THAP8: variants seen among roughly 807,000 people sequenced by gnomAD.
THAP8 encodes THAP domain-containing protein 8.
THAP8 carries 24 observed loss-of-function variants against 25.0 expected under a neutral mutation model. The ratio of observed to expected loss-of-function variants is 0.96; its 90% confidence interval spans 0.69 to 1.35. The LOEUF (loss-of-function observed/expected upper bound fraction) is 1.35, where lower values mean the gene tolerates loss of function less well. Among genes scored for constraint, THAP8 ranks in the 40% most tolerant of loss-of-function variants. The probability of loss-of-function intolerance (pLI) is 0.00; values close to 1 mark genes in which losing one functional copy is unlikely to be tolerated. For synonymous variants in THAP8, 169 were observed against 157.6 expected (o/e 1.07, Z -0.54); for missense variants, 399 against 368.8 (o/e 1.08, Z -0.67).
At chr19:36,040,796 T>C (rs1168142238) in intron 1 of THAP8, among the ~76,000 whole-genome samples, 1 of 152,078 alleles carries the variant, frequency 6.6e-6, no homozygotes, top group Admixed American at 6.6e-5. Flanking sequence ...TTGGAGCAGT[T>C]TATAAAATCA....
At chr19:36,054,048 A>G in intron 1 of THAP8, 87 bp downstream of exon 1, 3 of 1,457,762 alleles carry the variant, frequency 2.1e-6, no homozygotes, top group Non-Finnish European at 2.8e-6. Flanking sequence ...AAGCAAGACC[A>G]GAAGCCCCGC....
chr19:36,052,065 A>G (rs1403397351), intron 1 of THAP8, among the ~76,000 whole-genome samples: 2 of 142,512 alleles, frequency 1.4e-5, no homozygotes, highest in Non-Finnish European at 3.0e-5. Context: ...TTTTTTTTTT[A>G]GATGAAGTCT....
chr19:36,048,854 A>AC (rs1198595206), intron 1 of THAP8, among the ~76,000 whole-genome samples: 4 of 134,552 alleles, frequency 3.0e-5, no homozygotes, highest in Non-Finnish European at 6.4e-5. Context: ...AAAAAAAAAA[A>AC]AACAAAAAAA....
intron 3 of THAP8, among the ~76,000 whole-genome samples, 159 bp from the exon 4 acceptor site, chr19:36,035,751 T>C (rs1021937464): frequency 2.0e-5 from 3 of 150,102 alleles, no homozygotes; most frequent in Non-Finnish European, 4.4e-5. Context: ...GGAAAGCAGA[T>C]GTGAGGGCCA....
intron 1 of THAP8, among the ~76,000 whole-genome samples, chr19:36,043,180 G>A (rs1436819836): frequency 5.3e-5 from 8 of 152,136 alleles, no homozygotes; most frequent in South Asian, 2.1e-4. Context: ...CACCCACCTC[G>A]GCCTCCCAAA....
chr19:36,053,458 G>C (rs890042416), intron 1 of THAP8, among the ~76,000 whole-genome samples: 43 of 150,758 alleles, frequency 2.9e-4, no homozygotes, highest in Non-Finnish European at 4.3e-4. Flanking sequence ...GGTAGGGTGA[G>C]GTGGGAGGAT....
rs1440080531 is a variant in THAP8, at chr19:36,035,183, C to G, written c.*257G>C. On this transcript the variant is annotated 3_prime_UTR_variant, in exon 4 of 4. Transcript: ENST00000292894. ...AACCCTTGCTCTGCTCTGAGGCTGTCGTACTGATTTGCAAAGATCTGAGCC... is the reference window on the plus strand; with the variant it reads ...AACCCTTGCTCTGCTCTGAGGCTGTGGTACTGATTTGCAAAGATCTGAGCC... The G allele has an allele frequency of 4.7e-6, 2 of 428,160 alleles. No individual in the cohort carries two copies. The highest frequency in any genetic ancestry group is 8.4e-6 in the Non-Finnish European group (2 of 238,534). The allele number at this position is 428,160 out of a possible 1,614,324, so 26.5% of individuals were successfully genotyped here.
At chr19:36,052,717 T>C (rs1308013457) in intron 1 of THAP8, among the ~76,000 whole-genome samples, 1 of 152,214 alleles carries the variant, frequency 6.6e-6, no homozygotes, top group African/African-American at 2.4e-5. Context: ...GCTCCAAACC[T>C]GGATTGTAAA....
intron 3 of THAP8, among the ~76,000 whole-genome samples, chr19:36,038,324 C>T (rs181414827): frequency 4.6e-5 from 7 of 152,100 alleles, no homozygotes; most frequent in Admixed American, 1.3e-4. Flanking sequence ...TGCAGTGGTG[C>T]GATCTTGGCT....
At chr19:36,050,491 GT>G (rs1970025889) in intron 1 of THAP8, among the ~76,000 whole-genome samples, 2 of 152,146 alleles carry the variant, frequency 1.3e-5, no homozygotes, top group Admixed American at 6.6e-5. Context: ...TCTCATTTGT[GT>G]TTATAACTGT....
intron 1 of THAP8, among the ~76,000 whole-genome samples, chr19:36,046,267 G>A (rs1033307261): frequency 6.6e-6 from 1 of 152,128 alleles, no homozygotes; most frequent in African/African-American, 2.4e-5. Context: ...CCTTCGCCTT[G>A]CACCATGATT....
rs927442782 is a variant in THAP8 at position 36,035,561 on chromosome 19, G to A, written c.704C>T (p.Ser235Phe). The A allele has an allele frequency of 4.3e-6, 7 of 1,614,014 alleles. No homozygotes were observed. The African/African-American group carries it at 5.3e-5, about 12-fold the overall frequency. Residue 235 changes from serine (S) to phenylalanine (F), a missense_variant, in exon 4 of 4, where the codon TCC (serine) becomes TTC (phenylalanine). Coordinates refer to ENST00000292894, the MANE Select transcript of THAP8 (RefSeq NM_152658.3). Reference protein sequence around the residue: ...TTAQTLGPEESQTFTIICGGP... With the variant: ...TTAQTLGPEEFQTFTIICGGP... ...TCCACAGATGATGGTGAAGGTTTGG[G>A]ATTCCTCAGGTCCAAGGGTCTGGGC...
At chr19:36,053,187 C>G (rs996103620) in intron 1 of THAP8, among the ~76,000 whole-genome samples, 1 of 151,908 alleles carries the variant, frequency 6.6e-6, no homozygotes, top group African/African-American at 2.4e-5. Context: ...CCTGCCTCAG[C>G]CCACGGAGTA....
At chr19:36,040,221 G>T (rs1969643059) in intron 1 of THAP8, 85 bp from the exon 2 acceptor site, 1 of 1,400,580 alleles carries the variant, frequency 7.1e-7, no homozygotes, top group Non-Finnish European at 9.5e-7. Flanking sequence ...GAGGTCTCTG[G>T]GCTCCAAGCC....
chr19:36,050,558 G>C (rs1970028065), intron 1 of THAP8, among the ~76,000 whole-genome samples: 1 of 152,126 alleles, frequency 6.6e-6, no homozygotes, highest in Non-Finnish European at 1.5e-5. Context: ...GAAATGTCTT[G>C]AGGGTAGAGC....
intron 1 of THAP8, among the ~76,000 whole-genome samples, chr19:36,053,637 G>A (rs1970162146): frequency 6.6e-6 from 1 of 151,890 alleles, no homozygotes; most frequent in African/African-American, 2.4e-5. Context: ...GATAAATAAG[G>A]AGACAGATCT....
At chr19:36,046,150 C>T (rs1849864525) in intron 1 of THAP8, among the ~76,000 whole-genome samples, 1 of 152,112 alleles carries the variant, frequency 6.6e-6, no homozygotes, top group African/African-American at 2.4e-5. Flanking sequence ...TTCCCCCATG[C>T]TGTTCCCATG....
At chr19:36,054,371 T>G (rs1970221119), upstream of THAP8, 2 of 894,988 alleles carry the variant, frequency 2.2e-6, no homozygotes, top group Non-Finnish European at 3.4e-6. Context: ...TGAGAGCGCC[T>G]GCCTACTAGG....
chr19:36,053,366 C>CAAAAA (rs58744657), intron 1 of THAP8, among the ~76,000 whole-genome samples: 16 of 77,080 alleles, frequency 2.1e-4, no homozygotes, highest in African/African-American at 2.6e-4. Context: ...CCAAGCCTGG[C>CAAAAA]AAAAAAAAAA....
Sources: allele counts gnomAD v4.1 joint callset (sites outside exome capture counted in the v4.1 genomes callset), GRCh38; gene constraint gnomAD v4.1.1; transcripts MANE v1.5; gene names NCBI Gene and HGNC (gene_info 2026-07-23, HGNC 2026-07-21).